The following ZGRF1 variants were observed in gnomAD, a reference collection of about 807,000 sequenced individuals.
The protein encoded by ZGRF1 is zinc finger GRF-type containing 1, also known as 5'-3' DNA helicase ZGRF1.
ZGRF1 carries 196 observed loss-of-function variants against 203.5 expected under a neutral mutation model. The observed-to-expected ratio is 0.96, with a 90% CI of 0.86 to 1.08. The LOEUF (loss-of-function observed/expected upper bound fraction) is 1.08. ZGRF1 is among the 50% of genes least tolerant of loss of function. The pLI, the probability that ZGRF1 is intolerant of heterozygous loss-of-function variation, is 0.00. For synonymous variants in ZGRF1, 809 were observed against 841.3 expected (o/e 0.96, Z 0.66); for missense variants, 2,326 against 2,416.3 (o/e 0.96, Z 0.78).
At chr4:112,582,206 TG>T (rs750771055) in intron 15 of ZGRF1, among the ~76,000 whole-genome samples, 1 of 152,136 alleles carries the variant, frequency 6.6e-6, no homozygotes, top group Non-Finnish European at 1.5e-5. Context: ...TTCTTTGTGT[TG>T]GGAACATTAC....
chr4:112,584,720 T>C (rs573029276), intron 14 of ZGRF1, among the ~76,000 whole-genome samples: 1 of 152,218 alleles, frequency 6.6e-6, no homozygotes, highest in Non-Finnish European at 1.5e-5. Context: ...TCACTACTCA[T>C]GAATTTTTGC....
At chr4:112,585,755 A>G (rs1033079145) in intron 13 of ZGRF1, 30 bp from the exon 14 acceptor site, 8 of 1,494,692 alleles carry the variant, frequency 5.4e-6, no homozygotes, top group Non-Finnish European at 7.2e-6. Flanking sequence ...AGAGCAGAAA[A>G]TTAAATACAA....
Position 112,540,905 on chromosome 4 carries a change from G to A in ZGRF1, c.5826C>T (p.Leu1942=), listed in dbSNP as rs776894284. 6.3e-7 allele frequency: 1 copy of A among 1,582,674 alleles called. No individual in the cohort carries two copies. Among genetic ancestry groups the A allele is most frequent in the Admixed American group, 1.8e-5 (1 of 55,480 alleles). Residue 1942 remains leucine, a synonymous_variant, in exon 26 of 28, where the codon CTC becomes CTT. Coordinates refer to ENST00000505019, the MANE Select transcript of ZGRF1 (RefSeq NM_018392.5). ...FHNVAEATFT[L]KLIQSLIASG... is the part of the protein sequence containing the mutation. The stretch of plus-strand genomic sequence containing the variant: ...TTGCAATCAGTGATTGAATCAGCTT[G>A]AGTGTAAACGTAGCTTCTGCCACAT...
intron 10 of ZGRF1, among the ~76,000 whole-genome samples, chr4:112,597,213 A>T (rs1235039594): frequency 2.5e-5 from 2 of 80,424 alleles, no homozygotes; most frequent in South Asian, 4.7e-4. Context: ...AACTCCATCT[A>T]AAAAAAAAAA....
At chr4:112,607,176 G>C (rs943614261) in intron 8 of ZGRF1, among the ~76,000 whole-genome samples, 7 of 151,992 alleles carry the variant, frequency 4.6e-5, no homozygotes, top group African/African-American at 1.7e-4. Context: ...CCAGGCTGGA[G>C]TGCAGTGGCG....
intron 11 of ZGRF1, 179 bp downstream of exon 11, chr4:112,589,545 T>C (rs1747797508): frequency 3.4e-6 from 2 of 591,674 alleles, no homozygotes; most frequent in East Asian, 2.8e-5. Context: ...GAAGGGAATA[T>C]TGTACCTGGA....
Position 112,577,672 on chromosome 4 carries a change from G to A in ZGRF1, c.4438+3991C>T, listed in dbSNP as rs1388152362. Among the ~76,000 whole-genome samples the A allele has an allele frequency of 4.1e-5, 5 of 122,670 alleles. 1 individual carries two copies. Among genetic ancestry groups the A allele is most frequent in the African/African-American group, 8.5e-5 (3 of 35,362 alleles). 80.5% of individuals were successfully genotyped at this position (122,670 alleles called of 152,430 possible). ...GACTTTAAACCAACAAAGATCAAAA[G>A]AGACAAAGAAGGCCATTACATAATG... On this transcript the variant is annotated intron_variant, in intron 16 of 27. Transcript: ENST00000505019.
chr4:112,552,951 T>C (rs774772821), intron 22 of ZGRF1, among the ~76,000 whole-genome samples: 10 of 152,228 alleles, frequency 6.6e-5, no homozygotes, highest in Non-Finnish European at 1.3e-4. Flanking sequence ...GATCATGCCA[T>C]AGCAACTGTT....
chr4:112,630,332 A>G (rs1342846208), intron 3 of ZGRF1, among the ~76,000 whole-genome samples: 1 of 152,212 alleles, frequency 6.6e-6, no homozygotes, highest in Non-Finnish European at 1.5e-5. Flanking sequence ...AGCCTGACCA[A>G]CATGGTGAAA....
intron 16 of ZGRF1, among the ~76,000 whole-genome samples, chr4:112,568,346 G>A (rs1578305796): frequency 6.6e-6 from 1 of 152,036 alleles, no homozygotes; most frequent in Non-Finnish European, 1.5e-5. Context: ...AGAAATATAA[G>A]ACTATCAAAG....
chr4:112,544,062 T>G (rs561715635), intron 24 of ZGRF1, among the ~76,000 whole-genome samples: 2 of 151,952 alleles, frequency 1.3e-5, no homozygotes, highest in Non-Finnish European at 2.9e-5. Flanking sequence ...ACAAAAGAGG[T>G]TGGATACTGA....
Position 112,560,757 on chromosome 4 carries a change from T to C in ZGRF1, c.4936A>G (p.Thr1646Ala). The change falls in exon 19 of 28, where the codon ACC becomes GCC. Residue 1646 changes from threonine to alanine, a missense_variant. Coordinates refer to ENST00000505019, the MANE Select transcript of ZGRF1 (RefSeq NM_018392.5). ...CCATGTATGATTGTGATAGGGAAGG[T>C]ATGAGTTTGCAGTTCCTTCACTTCT... Reference protein sequence around the residue: ...IEEVKELQTHTFPITIIHGVF... With the variant: ...IEEVKELQTHAFPITIIHGVF... 1 of 1,594,868 alleles carries C rather than the reference T, an allele frequency of 6.3e-7. No individual in the cohort carries two copies. Among genetic ancestry groups the C allele is most frequent in the Non-Finnish European group, 8.6e-7 (1 of 1,164,816 alleles).
intron 16 of ZGRF1, among the ~76,000 whole-genome samples, chr4:112,574,288 T>C (rs1325876599): frequency 6.6e-6 from 1 of 152,126 alleles, no homozygotes; most frequent in East Asian, 1.9e-4. Context: ...ACAAATAATC[T>C]AGACTCTAGA....
chr4:112,547,635 T>G (rs1005732909), intron 23 of ZGRF1, among the ~76,000 whole-genome samples: 1 of 152,190 alleles, frequency 6.6e-6, no homozygotes, highest in Non-Finnish European at 1.5e-5. Context: ...TAAAACCTAG[T>G]AGGTGCCCCT....
intron 19 of ZGRF1, among the ~76,000 whole-genome samples, chr4:112,559,618 T>C (rs1416261258): frequency 2.0e-5 from 3 of 152,218 alleles, no homozygotes; most frequent in Non-Finnish European, 4.4e-5. Context: ...AATGTTAACT[T>C]TACTAAGCAC....
chr4:112,558,126 C>T (rs764441687), intron 20 of ZGRF1, 24 bp downstream of exon 20: 2 of 1,590,756 alleles, frequency 1.3e-6, no homozygotes, highest in Non-Finnish European at 1.7e-6. Context: ...ACATTAGCTA[C>T]TTAAATGCAC....
Position 112,548,327 on chromosome 4 carries a change from ATCAT to A in ZGRF1, c.5396_5399del (p.Asn1799IlefsTer6). 2 of 1,554,382 alleles carry A rather than the reference ATCAT, an allele frequency of 1.3e-6. No homozygotes were observed. Among genetic ancestry groups the A allele is most frequent in the Non-Finnish European group, 1.7e-6 (2 of 1,148,234 alleles). On this transcript the variant is annotated frameshift_variant, in exon 23 of 28. Coordinates refer to ENST00000505019, the MANE Select transcript of ZGRF1 (RefSeq NM_018392.5). LOFTEE classifies it high-confidence loss of function. ...CCAGCACAACTACAGGAAATTTAAG[ATCAT>A]TCATGCATGGGAATGGGCAGGCTGC...
At chr4:112,548,156 G>T in intron 23 of ZGRF1, 97 bp downstream of exon 23, 1 of 1,083,246 alleles carries the variant, frequency 9.2e-7, no homozygotes, top group Non-Finnish European at 1.3e-6. Context: ...GTCCAAGCTG[G>T]TCGCAAACTC....
At chr4:112,589,698 T>C (rs774079465) in intron 11 of ZGRF1, 26 bp downstream of exon 11, 44 of 1,602,594 alleles carry the variant, frequency 2.7e-5, no homozygotes, top group Non-Finnish European at 3.8e-5. Context: ...AATAGACAGA[T>C]ATTAGAGCAA....
Sources: gnomAD v4.1 joint callset for allele counts (sites outside exome capture counted in the v4.1 genomes callset) on GRCh38, gnomAD v4.1.1 for gene constraint, MANE v1.5 for transcripts, NCBI Gene and HGNC (gene_info 2026-07-23, HGNC 2026-07-21) for gene names.